The following NHSL2 variants were observed in gnomAD, a reference collection of about 807,000 sequenced individuals.
NHSL2 encodes the protein NHS like 2, also known as NHS-like protein 2.
A neutral mutation model predicts 53.4 loss-of-function variants in NHSL2; 27 were observed. The observed-to-expected ratio is 0.51, with a 90% CI of 0.37 to 0.70. The LOEUF (loss-of-function observed/expected upper bound fraction) is 0.70, where lower values mean the gene tolerates loss of function less well. Among genes scored for constraint, NHSL2 ranks in the 30% least tolerant of loss-of-function variants. NHSL2 has a pLI of 0.00. For missense variants in NHSL2, 892 were observed against 980.1 expected, an observed-to-expected ratio of 0.91 and a Z score of 1.20; for synonymous variants, 408 against 404.1, an observed-to-expected ratio of 1.01 and a Z score of -0.12.
Position 72,130,655 on chromosome X carries a change from C to G in NHSL2, c.281-1424C>G, listed in dbSNP as rs373245146. On this transcript the variant is annotated intron_variant, in intron 1 of 7. Transcript: ENST00000633930. ...CATTCGAGAATCAGCTCATCCAGGT[C>G]GGCCATTTCTGTTGACCATAAGAGC... is the stretch of plus-strand genomic sequence containing the variant. The G allele has an allele frequency of 2.9e-5, 35 of 1,210,050 alleles. No homozygotes were observed. Among genetic ancestry groups the G allele is most frequent in the South Asian group, 5.3e-5 (3 of 56,848 alleles).
In NHSL2 at chrX:72,151,246, G is replaced by A. The variant is rs1460389535; in HGVS notation, c.*7672G>A. Reference sequence around the variant, plus strand: ...TCACCATGTTGGCCAGGATGTTCTCGATCTCCTGACCTTGTGATCCGCCCA... The same window carrying A: ...TCACCATGTTGGCCAGGATGTTCTCAATCTCCTGACCTTGTGATCCGCCCA... On this transcript the variant is annotated 3_prime_UTR_variant, in exon 8 of 8. Coordinates refer to ENST00000633930, the MANE Select transcript of NHSL2 (RefSeq NM_001013627.3). The A allele has an allele frequency of 9.2e-6, 1 of 108,583 alleles. No individual in the cohort carries two copies. The highest frequency in any genetic ancestry group is 1.9e-5 in the Non-Finnish European group (1 of 52,466). The allele number at this position is 108,583 out of a possible 1,213,427, so 8.9% of individuals were successfully genotyped here. A position where few individuals can be genotyped will look rare whatever the true frequency, so the allele number is the denominator to read the frequency against.
intron 1 of NHSL2, among the ~76,000 whole-genome samples, chrX:71,920,368 A>G (rs1421547165): frequency 8.9e-6 from 1 of 112,011 alleles, no homozygotes; most frequent in Non-Finnish European, 1.9e-5. Flanking sequence ...ATTATACAAA[A>G]TCATTATGTA....
At chrX:71,989,306 T>C (rs1409488553) in intron 1 of NHSL2, among the ~76,000 whole-genome samples, 1 of 81,939 alleles carries the variant, frequency 1.2e-5, no homozygotes, top group African/African-American at 5.1e-5. Flanking sequence ...TCGAGATCGC[T>C]CCACTGCACT....
rs1491238848 is a variant in NHSL2 at position 72,093,717 on chromosome X, G to GCTTTCTTTCTTT, written c.281-38359_281-38358insTCTTTCTTTCTT. Among the ~76,000 whole-genome samples, 230 of 78,618 alleles carry GCTTTCTTTCTTT rather than the reference G, an allele frequency of 2.9e-3. 1 individual carries two copies. Among genetic ancestry groups the GCTTTCTTTCTTT allele is most frequent in the African/African-American group, 5.6e-3 (124 of 22,098 alleles). The allele number at this position is 78,618 out of a possible 115,157, so 68.3% of individuals were successfully genotyped here. A position where few individuals can be genotyped will look rare whatever the true frequency, so the allele number is the denominator to read the frequency against. On this transcript the variant is annotated intron_variant, in intron 1 of 7. Transcript: ENST00000633930. ...TGTGAATATTCCCCTAGTATAGCTT[G>GCTTTCTTTCTTT]CTTGCTTTCTTTCTTTCTTTCTTTC...
intron 1 of NHSL2, among the ~76,000 whole-genome samples, chrX:72,100,117 C>T (rs141096241): frequency 0.054 from 5,985 of 111,759 alleles, 410 homozygotes; most frequent in African/African-American, 0.19. Flanking sequence ...ATAAATTCAA[C>T]GTATGCTGGT....
rs761798138 is a variant in NHSL2, at chrX:72,105,966, T to C, written c.281-26113T>C. 2.6e-3 allele frequency among the ~76,000 whole-genome samples: 284 copies of C among 111,242 alleles called. 1 individual carries two copies. Among genetic ancestry groups the C allele is most frequent in the Non-Finnish European group, 4.6e-3 (243 of 52,920 alleles). On this transcript the variant is annotated intron_variant, in intron 1 of 7. Coordinates refer to ENST00000633930, the MANE Select transcript of NHSL2 (RefSeq NM_001013627.3). ...GGCTCACGCCTGTAATCCCAGCACT[T>C]TGGGAGGCTGAGGCGGGCAGATCAT...
At position 72,143,453 on chromosome X, in the gene NHSL2, A is replaced by AG; in HGVS notation, c.3559dup (p.Ala1187GlyfsTer11). ...GCCTTGCTACAGAAGAAGGGAAGTA[A>AG]GGCAACTCCAAGGTCTCGTCCCTCA... On this transcript the variant is annotated frameshift_variant, in exon 8 of 8. Coordinates refer to ENST00000633930, the MANE Select transcript of NHSL2 (RefSeq NM_001013627.3). LOFTEE classifies it high-confidence loss of function. 1.7e-6 allele frequency: 2 copies of AG among 1,167,082 alleles called. No homozygotes were observed. The highest frequency in any genetic ancestry group is 2.3e-6 in the Non-Finnish European group (2 of 872,307).
At chrX:72,066,969 A>T (rs1602343067) in intron 1 of NHSL2, among the ~76,000 whole-genome samples, 1 of 110,903 alleles carries the variant, frequency 9.0e-6, no homozygotes, top group Admixed American at 9.6e-5. Flanking sequence ...ATCTCTACAA[A>T]AAATAAATAA....
intron 1 of NHSL2, among the ~76,000 whole-genome samples, chrX:72,105,994 G>C (rs2042035565): frequency 9.0e-6 from 1 of 111,190 alleles, no homozygotes; most frequent in East Asian, 2.8e-4. Flanking sequence ...CAGATCATGA[G>C]GTCAGGAGAT....
At chrX:71,970,990 C>T (rs1309824064) in intron 1 of NHSL2, among the ~76,000 whole-genome samples, 1 of 110,673 alleles carries the variant, frequency 9.0e-6, no homozygotes, top group Non-Finnish European at 1.9e-5. Flanking sequence ...GCTATATTGC[C>T]CAGCCTAGTC....
Position 72,070,417 on chromosome X carries a change from T to G in NHSL2, c.281-61662T>G, listed in dbSNP as rs1263803075. 5.4e-5 allele frequency among the ~76,000 whole-genome samples: 6 copies of G among 110,946 alleles called. No individual in the cohort carries two copies. The East Asian group carries it at 1.4e-3, about 26-fold the overall frequency. Reference sequence around the variant, plus strand: ...CCCCTTCCTTGCCCCTCTCCAGATATGGACTCAAGGGTGCTGGCATAGTTC... The same window carrying G: ...CCCCTTCCTTGCCCCTCTCCAGATAGGGACTCAAGGGTGCTGGCATAGTTC... On this transcript the variant is annotated intron_variant, in intron 1 of 7. Transcript: ENST00000633930.
chrX:71,989,924 G>A (rs769485371), intron 1 of NHSL2, among the ~76,000 whole-genome samples: 1 of 112,602 alleles, frequency 8.9e-6, no homozygotes, highest in Admixed American at 9.3e-5. Flanking sequence ...TGGTCCCTGA[G>A]GTGACATGGG....
At chrX:72,022,770 G>T (rs187782502) in intron 1 of NHSL2, among the ~76,000 whole-genome samples, 78 of 111,495 alleles carry the variant, frequency 7.0e-4, no homozygotes, top group African/African-American at 2.3e-3. Flanking sequence ...AACTTTCCCA[G>T]CCCTGTTAGA....
intron 1 of NHSL2, among the ~76,000 whole-genome samples, chrX:72,111,240 G>A (rs373635670): frequency 1.8e-5 from 2 of 112,369 alleles, no homozygotes; most frequent in Non-Finnish European, 3.8e-5. Context: ...CTCAGGGGCC[G>A]AGCCTGCAGT....
chrX:72,114,162 A>G (rs1378115262), intron 1 of NHSL2, among the ~76,000 whole-genome samples: 4 of 112,572 alleles, frequency 3.6e-5, no homozygotes, highest in Non-Finnish European at 7.5e-5. Context: ...GTGTAGGATT[A>G]TGAATGTTCT....
In NHSL2 at chrX:72,132,098, G is replaced by T. The variant is rs369744188; in HGVS notation, c.300G>T (p.Arg100=). Residue 100 remains arginine, a synonymous_variant, in exon 2 of 8, where the codon CGG becomes CGT. Coordinates refer to ENST00000633930, the MANE Select transcript of NHSL2 (RefSeq NM_001013627.3). The part of the protein sequence containing the change: ...EEELAAANSG[R]ENATATAHSR... ...CCCTAGCTGCAGCTAACTCGGGTCG[G>T]GAAAATGCGACAGCGACTGCCCACT... The T allele has an allele frequency of 3.5e-4, 403 of 1,165,636 alleles. 1 individual carries two copies. In the African/African-American group the frequency reaches 6.7e-3, roughly 19 times the overall value.
chrX:72,001,114 C>T (rs1350656524), intron 1 of NHSL2, among the ~76,000 whole-genome samples: 2 of 112,354 alleles, frequency 1.8e-5, no homozygotes, highest in Non-Finnish European at 3.8e-5. Context: ...ATTCACCCAG[C>T]CAGTCAGACA....
At chrX:72,142,667 C>T (rs2042427874) in intron 7 of NHSL2, among the ~76,000 whole-genome samples, 1 of 110,441 alleles carries the variant, frequency 9.1e-6, no homozygotes, top group African/African-American at 3.3e-5. Flanking sequence ...CTCCTAGCAA[C>T]CACTTGGCCT....
At chrX:71,936,927 C>G (rs1432785996) in intron 1 of NHSL2, among the ~76,000 whole-genome samples, 3 of 111,907 alleles carry the variant, frequency 2.7e-5, no homozygotes, top group African/African-American at 6.5e-5. Flanking sequence ...CTGCTTGCAT[C>G]CTCACTCATA....
Sources: gnomAD v4.1 joint callset for allele counts (sites outside exome capture counted in the v4.1 genomes callset) on GRCh38, gnomAD v4.1.1 for gene constraint, MANE v1.5 for transcripts, NCBI Gene and HGNC (gene_info 2026-07-23, HGNC 2026-07-21) for gene names.